Variants in KAT7 observed in about 807,000 individuals in gnomAD.
KAT7 encodes the protein histone acetyltransferase KAT7.
KAT7 carries 10 observed loss-of-function variants against 82.1 expected under a neutral mutation model. The observed-to-expected ratio is 0.12, with a 90% CI of 0.08 to 0.21. The LOEUF (loss-of-function observed/expected upper bound fraction) is 0.21. KAT7 is among the 10% of genes least tolerant of loss of function. The probability of loss-of-function intolerance (pLI) is 1.00; values close to 1 mark genes in which losing one functional copy is unlikely to be tolerated. For synonymous variants in KAT7, 250 were observed against 262.5 expected (o/e 0.95, Z 0.46); for missense variants, 378 against 760.9 (o/e 0.50, Z 5.92).
intron 4 of KAT7, among the ~76,000 whole-genome samples, chr17:49,803,689 G>C (rs2074054598): frequency 6.6e-6 from 1 of 152,140 alleles, no homozygotes; most frequent in Non-Finnish European, 1.5e-5. Context: ...CTCCCAAAGT[G>C]CTGTGATTAC....
At chr17:49,807,971 T>C in intron 5 of KAT7, among the ~76,000 whole-genome samples, 1 of 152,156 alleles carries the variant, frequency 6.6e-6, no homozygotes. Context: ...TTGACCATTC[T>C]GAGTTTTAGT....
In KAT7 at chr17:49,818,021, C is replaced by A; in HGVS notation, c.1155+10C>A. On this transcript the variant is annotated intron_variant, in intron 9 of 14. Transcript: ENST00000259021. ...ACTCCGCCGGCACATGGTGAGTTGT[C>A]TTGGGTTCCTCTGCCTTGACCATGA... 1 of 1,610,864 alleles carries A rather than the reference C, an allele frequency of 6.2e-7. No homozygotes were observed. The highest frequency in any genetic ancestry group is 1.1e-5 in the South Asian group (1 of 90,954).
chr17:49,810,201 A>C (rs556935134), intron 6 of KAT7, among the ~76,000 whole-genome samples: 2 of 152,204 alleles, frequency 1.3e-5, no homozygotes, highest in East Asian at 3.9e-4. Context: ...GGTAAAAAGC[A>C]CTCCATAAGT....
Position 49,830,355 on chromosome 17 carries a change from AT to A in KAT7, c.*2858del, listed in dbSNP as rs1390986691. The A allele has an allele frequency of 6.6e-6, 1 of 151,104 alleles. No homozygotes were observed. The highest frequency in any genetic ancestry group is 2.4e-5 in the African/African-American group (1 of 41,034). The allele number at this position is 151,104 out of a possible 1,614,324, so 9.4% of individuals were successfully genotyped here. A position where few individuals can be genotyped will look rare whatever the true frequency, so the allele number is the denominator to read the frequency against. ...ATTACAGGTGCAGGCCACCTGGCTAATTTTTGTATGTTTAGTAGAGACAGGG... is the reference window on the plus strand; with the variant it reads ...ATTACAGGTGCAGGCCACCTGGCTAATTTTGTATGTTTAGTAGAGACAGGG... On this transcript the variant is annotated 3_prime_UTR_variant, in exon 15 of 15. Coordinates refer to ENST00000259021, the MANE Select transcript of KAT7 (RefSeq NM_007067.5).
chr17:49,818,806 T>G (rs1294260164), intron 9 of KAT7, among the ~76,000 whole-genome samples: 1 of 152,032 alleles, frequency 6.6e-6, no homozygotes, highest in Non-Finnish European at 1.5e-5. Flanking sequence ...TGGCGCGATC[T>G]TGGCTCACTG....
chr17:49,790,513 A>T (rs2073873373), intron 1 of KAT7, among the ~76,000 whole-genome samples: 1 of 152,062 alleles, frequency 6.6e-6, no homozygotes, highest in Non-Finnish European at 1.5e-5. Flanking sequence ...ATGTATGTAA[A>T]GGCTCACCAA....
chr17:49,795,223 T>C (rs560990231), intron 2 of KAT7: 1 of 154,784 alleles, frequency 6.5e-6, no homozygotes, highest in Non-Finnish European at 1.4e-5. Flanking sequence ...CATTACACAA[T>C]GTATACGTCT....
At position 49,796,814 on chromosome 17, in the gene KAT7, A is replaced by T. The variant is rs774364738; in HGVS notation, c.228A>T (p.Arg76Ser). 1 of 1,614,092 alleles carries T rather than the reference A, an allele frequency of 6.2e-7. No individual in the cohort carries two copies. The highest frequency in any genetic ancestry group is 8.5e-7 in the Non-Finnish European group (1 of 1,180,000). ...GTEEPAYSTR[R>S]VTRSQQQPTP... ...AGGAGCCTGCTTACTCTACCAGAAG[A>T]GTGACCCGTAGTCAGCAGCAGCCTA... The change falls in exon 3 of 15, where the codon AGA (arginine) becomes AGT (serine). Residue 76 changes from arginine (R) to serine (S), a missense_variant. Physicochemically the swap from Arg to Ser is moderately radical, Grantham distance 110. This residue lies in a region of KAT7 where 161 missense variants were observed against 229.6 expected (regional missense o/e 0.70). Coordinates refer to ENST00000259021, the MANE Select transcript of KAT7 (RefSeq NM_007067.5).
intron 4 of KAT7, among the ~76,000 whole-genome samples, chr17:49,802,153 A>G (rs2074032667): frequency 6.6e-6 from 1 of 152,174 alleles, no homozygotes; most frequent in Non-Finnish European, 1.5e-5. Flanking sequence ...AAATTGTCTC[A>G]TTGACATTTA....
chr17:49,796,981 T>C, intron 3 of KAT7, 55 bp downstream of exon 3: 2 of 1,514,742 alleles, frequency 1.3e-6, no homozygotes, highest in Admixed American at 3.4e-5. Flanking sequence ...GTGAAATTCT[T>C]TTTAAGGAGG....
chr17:49,811,217 C>A (rs1323451028), intron 6 of KAT7, among the ~76,000 whole-genome samples: 1 of 151,786 alleles, frequency 6.6e-6, no homozygotes, highest in African/African-American at 2.4e-5. Context: ...GGTGATTCTC[C>A]CACCTCAGCC....
At chr17:49,799,351 G>A (rs139603641) in intron 4 of KAT7, among the ~76,000 whole-genome samples, 148 of 152,242 alleles carry the variant, frequency 9.7e-4, no homozygotes, top group African/African-American at 3.4e-3. Flanking sequence ...TGCTTGGCAG[G>A]CCAACAGTAC....
chr17:49,793,573 ATTTTTTT>A (rs542617795), intron 2 of KAT7, among the ~76,000 whole-genome samples: 9 of 136,324 alleles, frequency 6.6e-5, no homozygotes, highest in South Asian at 4.6e-4. Context: ...GCTTTGGTTA[ATTTTTTT>A]TTTTTTTTTT....
intron 7 of KAT7, among the ~76,000 whole-genome samples, chr17:49,812,505 G>C (rs912457192): frequency 6.6e-6 from 1 of 151,892 alleles, no homozygotes; most frequent in African/African-American, 2.4e-5. Context: ...GATTACAGGC[G>C]TGAGCCACCA....
intron 9 of KAT7, among the ~76,000 whole-genome samples, chr17:49,819,230 G>A (rs940272456): frequency 6.6e-6 from 1 of 152,082 alleles, no homozygotes; most frequent in Admixed American, 6.6e-5. Flanking sequence ...CCCAGTTCAG[G>A]AGCATGTGGT....
chr17:49,823,995 A>G (rs1156321001), intron 12 of KAT7, among the ~76,000 whole-genome samples: 1 of 152,188 alleles, frequency 6.6e-6, no homozygotes, highest in Non-Finnish European at 1.5e-5. Context: ...GGTACCTTAC[A>G]GGGGTTAGGT....
intron 9 of KAT7, among the ~76,000 whole-genome samples, chr17:49,820,880 G>A (rs1170265679): frequency 2.0e-5 from 3 of 151,668 alleles, no homozygotes; most frequent in Non-Finnish European, 4.4e-5. Flanking sequence ...ATTGTGAGTG[G>A]GTTTTCTAAT....
intron 9 of KAT7, among the ~76,000 whole-genome samples, chr17:49,820,235 C>T (rs2074284898): frequency 6.6e-6 from 1 of 151,660 alleles, no homozygotes; most frequent in Non-Finnish European, 1.5e-5. Flanking sequence ...CAGAGTGACA[C>T]CCTATCTCAA....
chr17:49,819,452 C>T (rs1162117950), intron 9 of KAT7, among the ~76,000 whole-genome samples: 2 of 152,064 alleles, frequency 1.3e-5, no homozygotes, highest in African/African-American at 4.8e-5. Flanking sequence ...TGTGTGAAAG[C>T]GGGTATTTTT....
Sources: allele counts gnomAD v4.1 joint callset (sites outside exome capture counted in the v4.1 genomes callset), GRCh38; gene constraint gnomAD v4.1.1; regional missense constraint gnomAD v4.1.1; transcripts MANE v1.5; gene names NCBI Gene and HGNC (gene_info 2026-07-23, HGNC 2026-07-21).